The following RUFY1 variants were observed in gnomAD, a reference collection of about 807,000 sequenced individuals.
The protein encoded by RUFY1 is RUN and FYVE domain containing 1, also known as RUN and FYVE domain-containing protein 1.
In RUFY1, 54 loss-of-function variants were observed where a neutral mutation model predicts 94.6. That is an observed-to-expected ratio of 0.57 (90% CI 0.46 to 0.72). The LOEUF (loss-of-function observed/expected upper bound fraction) is 0.72. Among genes scored for constraint, RUFY1 ranks in the 30% least tolerant of loss-of-function variants. The pLI is 0.00. For synonymous variants in RUFY1, 396 were observed against 347.3 expected, an observed-to-expected ratio of 1.14 and a Z score of -1.56; for missense variants, 883 against 883.9, an observed-to-expected ratio of 1.00 and a Z score of 0.01.
intron 3 of RUFY1, among the ~76,000 whole-genome samples, chr5:179,567,062 T>A (rs529778773): frequency 6.0e-5 from 9 of 150,288 alleles, no homozygotes; most frequent in East Asian, 3.9e-4. Flanking sequence ...CAAAAAAAAA[T>A]AAAAAATAAA....
intron 5 of RUFY1, among the ~76,000 whole-genome samples, chr5:179,574,105 G>C (rs1763432414): frequency 6.6e-6 from 1 of 151,840 alleles, no homozygotes; most frequent in South Asian, 2.1e-4. Flanking sequence ...AATTGTATTA[G>C]CCTCATAAAC....
At chr5:179,557,318 T>A (rs931044236) in intron 1 of RUFY1, among the ~76,000 whole-genome samples, 4 of 152,116 alleles carry the variant, frequency 2.6e-5, no homozygotes, top group Admixed American at 6.6e-5. Flanking sequence ...TAATCCCAGC[T>A]ACTGGGGAGG....
At chr5:179,567,617 G>A in intron 4 of RUFY1, 55 bp downstream of exon 4, 3 of 1,295,922 alleles carry the variant, frequency 2.3e-6, no homozygotes, top group Non-Finnish European at 3.3e-6. Context: ...TTAGAACATA[G>A]GCTGGGTGCG....
intron 1 of RUFY1, among the ~76,000 whole-genome samples, chr5:179,554,052 G>A (rs1761988829): frequency 6.6e-6 from 1 of 152,130 alleles, no homozygotes; most frequent in East Asian, 1.9e-4. Context: ...CTTCAGCCAG[G>A]GCCAGGCCCA....
At chr5:179,600,577 G>A (rs72824523) in intron 14 of RUFY1, among the ~76,000 whole-genome samples, 13,613 of 150,982 alleles carry the variant, frequency 0.09, 692 homozygotes, top group Middle Eastern at 0.13. Flanking sequence ...GTGATTTTGT[G>A]TACAGTTCTT....
intron 5 of RUFY1, among the ~76,000 whole-genome samples, chr5:179,571,591 GT>G (rs1317131403): frequency 2.0e-5 from 3 of 151,988 alleles, no homozygotes; most frequent in Non-Finnish European, 4.4e-5. Context: ...TAAATTTGGG[GT>G]TGTTGTGTCA....
At chr5:179,572,868 C>T (rs1169423571) in intron 5 of RUFY1, 1 of 152,304 alleles carries the variant, frequency 6.6e-6, no homozygotes, top group African/African-American at 2.4e-5. Context: ...CCTTCTGCTT[C>T]TACCTGGGTA....
chr5:179,575,128 A>G (rs1763523620), intron 5 of RUFY1, among the ~76,000 whole-genome samples: 1 of 146,374 alleles, frequency 6.8e-6, no homozygotes, highest in African/African-American at 2.5e-5. Flanking sequence ...CTTTTTCTAT[A>G]CATTTATGTT....
chr5:179,596,631 C>CG lies in RUFY1; in HGVS notation c.1584dup (p.Arg529GlufsTer115). 1 of 1,611,922 alleles carries CG rather than the reference C, an allele frequency of 6.2e-7. No individual in the cohort carries two copies. Among genetic ancestry groups the CG allele is most frequent in the Non-Finnish European group, 8.5e-7 (1 of 1,179,536 alleles). ...GCCACAAGCTGCAGCAGGAGCTGGGCGGGAGGATCGGCGCCCTGCAGCTGC... is the reference window on the plus strand; with the variant it reads ...GCCACAAGCTGCAGCAGGAGCTGGGCGGGGAGGATCGGCGCCCTGCAGCTGC... On this transcript the variant is annotated frameshift_variant, in exon 13 of 18. Transcript: ENST00000319449. LOFTEE classifies it high-confidence loss of function.
intron 1 of RUFY1, among the ~76,000 whole-genome samples, chr5:179,557,655 C>T (rs746786006): frequency 6.6e-6 from 1 of 152,074 alleles, no homozygotes. Context: ...ATTTAATTTA[C>T]GGAAAATGGC....
chr5:179,593,472 T>C lies in RUFY1; in HGVS notation c.1246-6T>C. The C allele has an allele frequency of 6.3e-7, 1 of 1,584,836 alleles. No homozygotes were observed. The highest frequency in any genetic ancestry group is 8.7e-7 in the Non-Finnish European group (1 of 1,153,412). On this transcript the variant is annotated splice_region_variant and splice_polypyrimidine_tract_variant and intron_variant, in intron 10 of 17. Coordinates refer to ENST00000319449, the MANE Select transcript of RUFY1 (RefSeq NM_025158.5). ...ATAACATTTTCCTTGTAAATATCCT[T>C]TTAAGGAACTGGAAAAAGAACTGGA...
chr5:179,606,697 T>C (rs1355097072), intron 16 of RUFY1: 1 of 152,298 alleles, frequency 6.6e-6, no homozygotes, highest in Admixed American at 6.5e-5. Context: ...CTAGGTAATA[T>C]CAGTTTCACA....
chr5:179,608,724 A>C (rs934679690), intron 17 of RUFY1: 1 of 709,848 alleles, frequency 1.4e-6, no homozygotes, highest in Admixed American at 6.3e-5. Flanking sequence ...TCAGAAGTTC[A>C]AGACCAGTCT....
chr5:179,591,406 G>T (rs746612462), intron 9 of RUFY1, among the ~76,000 whole-genome samples: 102 of 149,186 alleles, frequency 6.8e-4, no homozygotes, highest in Non-Finnish European at 1.2e-3. Context: ...GGATGGTCTC[G>T]ATCGCCTGAC....
chr5:179,575,260 A>G (rs1763530846), intron 5 of RUFY1, among the ~76,000 whole-genome samples: 1 of 152,156 alleles, frequency 6.6e-6, no homozygotes, highest in African/African-American at 2.4e-5. Flanking sequence ...AACTGGGTTC[A>G]GCTAGTCGGT....
In RUFY1 at chr5:179,577,114, C is replaced by G; in HGVS notation, c.868C>G (p.Gln290Glu). 6.4e-7 allele frequency: 1 copy of G among 1,563,474 alleles called. No individual in the cohort carries two copies. Among genetic ancestry groups the G allele is most frequent in the South Asian group, 1.1e-5 (1 of 90,052 alleles). The change falls in exon 6 of 18, where the codon CAG becomes GAG. Residue 290 changes from glutamine to glutamate, a missense_variant. Physicochemically the swap from Gln to Glu is conservative, Grantham distance 29. Coordinates refer to ENST00000319449, the MANE Select transcript of RUFY1 (RefSeq NM_025158.5). ...IDFSLYLKDV[Q>E]DLDGGKEHER... ...TTTTTCCCTCTACCTTAAGGATGTG[C>G]AGGATCTTGATGGTGGCAAGGAGTA... is the stretch of plus-strand genomic sequence containing the variant.
At chr5:179,579,657 C>CTTTTTCTTTTTTTTTTTTTTTTTTTTT (rs1554118792) in intron 6 of RUFY1, among the ~76,000 whole-genome samples, 8 of 50,560 alleles carry the variant, frequency 1.6e-4, no homozygotes, top group Non-Finnish European at 2.3e-4. Context: ...TTTTCTTCTT[C>CTTTTTCTTTTTTTTTTTTTTTTTTTTT]TTTTTTTTTT....
At chr5:179,584,965 C>G (rs1239866784) in intron 7 of RUFY1, among the ~76,000 whole-genome samples, 2 of 151,874 alleles carry the variant, frequency 1.3e-5, no homozygotes, top group Non-Finnish European at 2.9e-5. Flanking sequence ...GAAACCCCGT[C>G]TCTACTAAAA....
chr5:179,586,434 T>A (rs1345988821), intron 8 of RUFY1: 3 of 456,620 alleles, frequency 6.6e-6, no homozygotes, highest in South Asian at 4.6e-5. Context: ...TGTCTCCTGT[T>A]AGCAGGAGGG....
Sources: gnomAD v4.1 joint callset for allele counts (sites outside exome capture counted in the v4.1 genomes callset) on GRCh38, gnomAD v4.1.1 for gene constraint, MANE v1.5 for transcripts, NCBI Gene and HGNC (gene_info 2026-07-23, HGNC 2026-07-21) for gene names.